LAMB4: variants seen among roughly 807,000 people sequenced by gnomAD.
The protein encoded by LAMB4 is laminin subunit beta-4.
Under a neutral mutation model 199.2 loss-of-function variants are expected in LAMB4, and 196 were observed. The ratio of observed to expected loss-of-function variants is 0.98; its 90% CI spans 0.88 to 1.11. LAMB4 has a LOEUF of 1.11. Among genes scored for constraint, LAMB4 ranks in the 50% least tolerant of loss-of-function variants. The pLI, the probability that LAMB4 is intolerant of heterozygous loss-of-function variation, is 0.00. For synonymous variants in LAMB4, 744 were observed against 770.6 expected, an observed-to-expected ratio of 0.97 and a Z score of 0.57; for missense variants, 2,080 against 2,171.2, an observed-to-expected ratio of 0.96 and a Z score of 0.83.
At chr7:108,076,812 G>T in intron 17 of LAMB4, 132 bp downstream of exon 17, 3 of 894,380 alleles carry the variant, frequency 3.4e-6, no homozygotes, top group African/African-American at 1.7e-5. Context: ...ATTTGCAGAT[G>T]CTATTAGGTG....
rs746606490 is a variant in LAMB4 at position 108,062,788 on chromosome 7, T to TA, written c.3267dup (p.Ser1090Ter). The TA allele has an allele frequency of 1.2e-5, 17 of 1,435,372 alleles. No homozygotes were observed. In the East Asian group the frequency reaches 4.2e-4, roughly 35 times the overall value. The allele number at this position is 1,435,372 out of a possible 1,614,324, so 88.9% of individuals were successfully genotyped here. On this transcript the variant is annotated frameshift_variant, in exon 23 of 34. Transcript: ENST00000388781. LOFTEE classifies it high-confidence loss of function. ...AAGTATCTTGCCTGGTCACAGTGGC[T>TA]ACTTTGAGAGGTCCTAGGGTCACAG...
intron 3 of LAMB4, among the ~76,000 whole-genome samples, chr7:108,115,184 C>T (rs1458676639): frequency 2.0e-5 from 3 of 152,122 alleles, no homozygotes; most frequent in African/African-American, 7.2e-5. Context: ...CAAAGACTAA[C>T]CAAAAAGACT....
chr7:108,107,199 T>A (rs2038051266), intron 6 of LAMB4, among the ~76,000 whole-genome samples: 1 of 152,200 alleles, frequency 6.6e-6, no homozygotes, highest in African/African-American at 2.4e-5. Context: ...TAGTGCCTGT[T>A]CAATCCCACT....
At chr7:108,081,079 G>A (rs1386981191) in intron 14 of LAMB4, among the ~76,000 whole-genome samples, 1 of 152,074 alleles carries the variant, frequency 6.6e-6, no homozygotes, top group Non-Finnish European at 1.5e-5. Flanking sequence ...TCGAGATCGC[G>A]CCACTGCACT....
chr7:108,093,854 T>C (rs895961658), intron 12 of LAMB4, among the ~76,000 whole-genome samples: 8 of 152,242 alleles, frequency 5.3e-5, no homozygotes, highest in Non-Finnish European at 7.3e-5. Context: ...CTTTTAGATA[T>C]TAAACATTGA....
At chr7:108,053,898 T>C (rs2035901247) in intron 25 of LAMB4, among the ~76,000 whole-genome samples, 1 of 152,240 alleles carries the variant, frequency 6.6e-6, no homozygotes. Context: ...TTACAAGTGC[T>C]ATTGGATTAG....
chr7:108,081,879 T>C (rs1383329094), intron 14 of LAMB4, among the ~76,000 whole-genome samples: 2 of 152,082 alleles, frequency 1.3e-5, no homozygotes, highest in Non-Finnish European at 2.9e-5. Flanking sequence ...ATGTCTTTGA[T>C]GAGAGAAAAT....
At position 108,084,247 on chromosome 7, in the gene LAMB4, T is replaced by C. The variant is rs377624338; in HGVS notation, c.1702-4461A>G. On this transcript the variant is annotated intron_variant, in intron 14 of 33. Coordinates refer to ENST00000388781, the MANE Select transcript of LAMB4 (RefSeq NM_007356.3). ...AGCCAGAGGCTGTAGTTTGTCTCACTAGTGTCATTTTGTAAATTTCCTCAG... is the reference window on the plus strand; with the variant it reads ...AGCCAGAGGCTGTAGTTTGTCTCACCAGTGTCATTTTGTAAATTTCCTCAG... Among the ~76,000 whole-genome samples the C allele has an allele frequency of 4.6e-5, 7 of 152,316 alleles. No homozygotes were observed. In the South Asian group the frequency reaches 1.5e-3, roughly 32 times the overall value.
intron 14 of LAMB4, among the ~76,000 whole-genome samples, chr7:108,089,874 C>G (rs911410574): frequency 2.6e-5 from 4 of 152,092 alleles, no homozygotes; most frequent in African/African-American, 9.7e-5. Context: ...CTATGTTGTC[C>G]AGGCTGGTCT....
chr7:108,019,248 G>A (rs2034641647), downstream of LAMB4, among the ~76,000 whole-genome samples: 1 of 151,944 alleles, frequency 6.6e-6, no homozygotes, highest in Non-Finnish European at 1.5e-5. Flanking sequence ...CAGCTTCTAG[G>A]GACAACTTAC....
Position 108,104,598 on chromosome 7 carries a change from GAC to G in LAMB4, c.890_891del (p.Cys297SerfsTer10), listed in dbSNP as rs748750684. On this transcript the variant is annotated frameshift_variant, in exon 9 of 34. Transcript: ENST00000388781. LOFTEE classifies it high-confidence loss of function. ...CAGTTCGGACCATCTGTATTGTGCT[GAC>G]ACACACACTGACCGTGAACCTGCAT... Reference protein sequence around the residue: ...PPGMVHGQCVCQHNTDGPNCE... With the variant: ...PPGMVHGQCVXQHNTDGPNCE... The G allele has an allele frequency of 1.9e-6, 3 of 1,614,042 alleles. No homozygotes were observed. The highest frequency in any genetic ancestry group is 4.5e-5 in the East Asian group (2 of 44,870).
intron 28 of LAMB4, 147 bp downstream of exon 28, chr7:108,047,761 A>G: frequency 1.5e-6 from 1 of 655,346 alleles, no homozygotes. Flanking sequence ...ATCATCTGTA[A>G]TTTTATCCTA....
At chr7:108,066,256 A>G (rs1308012473) in intron 20 of LAMB4, 113 bp downstream of exon 20, 1 of 787,482 alleles carries the variant, frequency 1.3e-6, no homozygotes, top group African/African-American at 1.7e-5. Flanking sequence ...GACCTATAAC[A>G]GTCCTCCCTC....
At chr7:108,085,923 A>G (rs1369328093) in intron 14 of LAMB4, among the ~76,000 whole-genome samples, 1 of 152,016 alleles carries the variant, frequency 6.6e-6, no homozygotes, top group South Asian at 2.1e-4. Context: ...CTGCATTTTT[A>G]TTTTGCACTG....
intron 14 of LAMB4, among the ~76,000 whole-genome samples, chr7:108,086,506 T>G (rs2037182393): frequency 6.6e-6 from 1 of 152,156 alleles, no homozygotes; most frequent in South Asian, 2.1e-4. Flanking sequence ...TGTATTCTTC[T>G]CTTGTACTAA....
chr7:108,033,735 ATTTTTTTT>A (rs556578520), intron 31 of LAMB4, among the ~76,000 whole-genome samples: 4 of 102,078 alleles, frequency 3.9e-5, no homozygotes, highest in Non-Finnish European at 6.4e-5. Context: ...TTGGATGAGT[ATTTTTTTT>A]TTTTTTTTTT....
chr7:108,014,886 C>T, the LAMB4 span, among the ~76,000 whole-genome samples: 1 of 152,106 alleles, frequency 6.6e-6, no homozygotes, highest in Non-Finnish European at 1.5e-5. Flanking sequence ...CCACACCTGG[C>T]TAATTGTTGT....
At chr7:108,085,762 C>T (rs368046684) in intron 14 of LAMB4, among the ~76,000 whole-genome samples, 15 of 152,060 alleles carry the variant, frequency 9.9e-5, no homozygotes, top group East Asian at 3.9e-4. Context: ...TACAGGCGCC[C>T]ACCACCACAC....
chr7:108,034,529 A>G (rs1040634276), intron 30 of LAMB4, among the ~76,000 whole-genome samples, 183 bp from the exon 31 acceptor site: 8 of 152,230 alleles, frequency 5.3e-5, no homozygotes, highest in African/African-American at 1.7e-4. Flanking sequence ...TTAAATGCCA[A>G]TAAAAAAAAC....
Sources: allele counts gnomAD v4.1 joint callset (sites outside exome capture counted in the v4.1 genomes callset), GRCh38; gene constraint gnomAD v4.1.1; transcripts MANE v1.5; gene names NCBI Gene and HGNC (gene_info 2026-07-23, HGNC 2026-07-21).